The following UNC5CL variants were observed in gnomAD, a reference collection of about 807,000 sequenced individuals.
UNC5CL encodes the protein unc-5 family C-terminal like.
Under a neutral mutation model 54.1 loss-of-function variants are expected in UNC5CL, and 42 were observed. The observed-to-expected ratio is 0.78, with a 90% CI of 0.61 to 1.00. The LOEUF is 1.00. Among genes scored for constraint, UNC5CL ranks in the 50% least tolerant of loss-of-function variants. The pLI, the probability that UNC5CL is intolerant of heterozygous loss-of-function variation, is 0.00. For synonymous variants in UNC5CL, 285 were observed against 285.1 expected, an observed-to-expected ratio of 1.00 and a Z score of 0.00; for missense variants, 619 against 675.6, an observed-to-expected ratio of 0.92 and a Z score of 0.93.
Position 41,028,063 on chromosome 6 carries a change from C to T in UNC5CL, c.*310G>A. On this transcript the variant is annotated 3_prime_UTR_variant, in exon 9 of 9. Transcript: ENST00000244565. The surrounding 1 kb of genome is among the most constrained non-coding windows in gnomAD (Gnocchi z 4.3). ...GCTCAGTGAATACTTTAGGGCCTGA[C>T]CGGCCCTAAAGTGCACGCGGGGACC... is the stretch of plus-strand genomic sequence containing the variant. The T allele has an allele frequency of 2.6e-6, 1 of 391,194 alleles. No homozygotes were observed. The highest frequency in any genetic ancestry group is 6.7e-4 in the Middle Eastern group (1 of 1,484). The allele number at this position is 391,194 out of a possible 1,614,324, so 24.2% of individuals were successfully genotyped here.
Position 41,027,948 on chromosome 6 carries a change from A to G in UNC5CL, c.*425T>C, listed in dbSNP as rs143594850. On this transcript the variant is annotated 3_prime_UTR_variant, in exon 9 of 9. Coordinates refer to ENST00000244565, the MANE Select transcript of UNC5CL (RefSeq NM_173561.3). ...TATGAGCACATCTTGACTCCTGCAA[A>G]AGAACTGTGTGCTTGTCAGGGCTCC... The G allele has an allele frequency of 0.019, 3,193 of 165,476 alleles. 97 individuals carry two copies. Among genetic ancestry groups the G allele is most frequent in the African/African-American group, 0.069 (2,892 of 41,850 alleles). The allele number at this position is 165,476 out of a possible 1,614,324, so 10.3% of individuals were successfully genotyped here.
At chr6:41,035,393 G>C (rs1194562627) in intron 1 of UNC5CL, among the ~76,000 whole-genome samples, 1 of 152,196 alleles carries the variant, frequency 6.6e-6, no homozygotes, top group Admixed American at 6.5e-5. Flanking sequence ...TGTCACCTTG[G>C]TCACTGTGGC....
chr6:41,034,102 T>C lies in UNC5CL; in HGVS notation c.465A>G (p.Gln155=). 1 of 1,614,136 alleles carries C rather than the reference T, an allele frequency of 6.2e-7. No individual in the cohort carries two copies. Among genetic ancestry groups the C allele is most frequent in the Non-Finnish European group, 8.5e-7 (1 of 1,179,992 alleles). ...WDLSDAPSLS[Q]AQGLVSPVVA... ...CCACAGGGCTTACCAGCCCCTGGGC[T>C]TGGGACAGCGATGGGGCGTCCGACA... The change falls in exon 3 of 9, where the codon CAA becomes CAG. Residue 155 remains glutamine (Q), a synonymous_variant. Transcript: ENST00000244565.
rs779416297 is a variant in UNC5CL, at chr6:41,033,102, C to T, written c.731G>A (p.Arg244His). The T allele has an allele frequency of 3.7e-6, 6 of 1,612,120 alleles. No individual in the cohort carries two copies. The highest frequency in any genetic ancestry group is 2.2e-5 in the East Asian group (1 of 44,830). The change falls in exon 4 of 9, where the codon CGC becomes CAC. Residue 244 changes from arginine to histidine, a missense_variant. Physicochemically the swap from Arg to His is conservative, Grantham distance 29. Transcript: ENST00000244565. ...VLEAPVGREA[R>H]KWLQLAVFCS... The stretch of plus-strand genomic sequence containing the variant: ...GAATACGGCCAGCTGCAGCCATTTG[C>T]GGGCTTCGCGCCCCACAGGTGCCTC...
chr6:41,033,539 G>T, intron 3 of UNC5CL: 1 of 498,568 alleles, frequency 2.0e-6, no homozygotes. Context: ...GCTAAGCCTG[G>T]GGACAGTCCT....
In UNC5CL at chr6:41,034,953, C is replaced by T; in HGVS notation, c.122G>A (p.Gly41Glu). The T allele has an allele frequency of 6.2e-7, 1 of 1,613,994 alleles. No homozygotes were observed. The highest frequency in any genetic ancestry group is 8.5e-7 in the Non-Finnish European group (1 of 1,179,864). ...TTGACCATTCAGTGTCCAGCAGGCC[C>T]CCAGCAGCCTTCTAGGGCAGTGCCA... ...LRWHCPRRLL[G>E]ACWTLNGQEE... Residue 41 changes from glycine (G) to glutamate (E), a missense_variant, in exon 2 of 9, where the codon GGG (glycine) becomes GAG (glutamate). By Grantham distance (98) the Gly-to-Glu change is moderately conservative. Transcript: ENST00000244565.
chr6:41,033,800 A>G, intron 3 of UNC5CL, 81 bp downstream of exon 3: 1 of 1,469,474 alleles, frequency 6.8e-7, no homozygotes, highest in Non-Finnish European at 9.2e-7. Flanking sequence ...AGATGAAGAT[A>G]AGGCAGACAG....
intron 2 of UNC5CL, among the ~76,000 whole-genome samples, 171 bp downstream of exon 2, chr6:41,034,519 T>C (rs1042359249): frequency 2.6e-5 from 4 of 152,206 alleles, no homozygotes; most frequent in African/African-American, 9.7e-5. Context: ...TGCCAGGAAG[T>C]TGTCCCAAAA....
At position 41,027,838 on chromosome 6, in the gene UNC5CL, CA is replaced by C. The variant is rs1762405354; in HGVS notation, c.*534del. 1 of 152,950 alleles carries C rather than the reference CA, an allele frequency of 6.5e-6. No homozygotes were observed. The highest frequency in any genetic ancestry group is 1.5e-5 in the Non-Finnish European group (1 of 68,446). The allele number at this position is 152,950 out of a possible 1,614,324, so 9.5% of individuals were successfully genotyped here. ...CATTCTCGCTGCTCCAGCCCGCACT[CA>C]GCTCTTCCCCTCTCAACTCCTAAAG... On this transcript the variant is annotated 3_prime_UTR_variant, in exon 9 of 9. Coordinates refer to ENST00000244565, the MANE Select transcript of UNC5CL (RefSeq NM_173561.3).
rs1762502418 is a variant in UNC5CL at position 41,034,855 on chromosome 6, G to A, written c.220C>T (p.Pro74Ser). ...VSRQHLPATL[P>S]EMVAFYQELH... ...TCCTGGTAGAAGGCAACCATCTCTG[G>A]CAGTGTGGCTGGCAGGTGCTGCCTT... The change falls in exon 2 of 9, where the codon CCA becomes TCA. Residue 74 changes from proline to serine, a missense_variant. By Grantham distance (74) the Pro-to-Ser change is moderately conservative. Coordinates refer to ENST00000244565, the MANE Select transcript of UNC5CL (RefSeq NM_173561.3). 1 of 1,614,226 alleles carries A rather than the reference G, an allele frequency of 6.2e-7. No individual in the cohort carries two copies. Among genetic ancestry groups the A allele is most frequent in the Non-Finnish European group, 8.5e-7 (1 of 1,180,050 alleles).
At position 41,028,101 on chromosome 6, in the gene UNC5CL, T is replaced by C. The variant is rs545200786; in HGVS notation, c.*272A>G. 2.4e-5 allele frequency: 12 copies of C among 501,812 alleles called. No individual in the cohort carries two copies. In the South Asian group the frequency reaches 3.2e-4, roughly 13 times the overall value. The allele number at this position is 501,812 out of a possible 1,614,324, so 31.1% of individuals were successfully genotyped here. ...GCACGCGGGGACCGTGGCCGTCCCC[T>C]GGTCAGTTTGGCAGGCTGGCCACGC... On this transcript the variant is annotated 3_prime_UTR_variant, in exon 9 of 9. Transcript: ENST00000244565. The surrounding 1 kb of genome is among the most constrained non-coding windows in gnomAD (Gnocchi z 4.3).
chr6:41,031,022 G>A (rs1762448176), intron 6 of UNC5CL, among the ~76,000 whole-genome samples: 1 of 152,134 alleles, frequency 6.6e-6, no homozygotes, highest in Admixed American at 6.5e-5. Context: ...AGCCACCAGG[G>A]GAAGTCCTGG....
intron 4 of UNC5CL, 111 bp downstream of exon 4, chr6:41,032,771 AAG>A (rs1490676533): frequency 2.1e-6 from 3 of 1,420,774 alleles, no homozygotes; most frequent in Admixed American, 2.8e-5. Context: ...GGGAAAAAAA[AAG>A]AGAGAGAGAC....
intron 1 of UNC5CL, among the ~76,000 whole-genome samples, chr6:41,038,495 G>C (rs982814616): frequency 6.6e-6 from 1 of 152,150 alleles, no homozygotes; most frequent in Non-Finnish European, 1.5e-5. Context: ...GCCTCTCCCA[G>C]GGTGACTGCT....
chr6:41,036,375 T>TA (rs1216787090), intron 1 of UNC5CL, among the ~76,000 whole-genome samples: 1 of 152,244 alleles, frequency 6.6e-6, no homozygotes, highest in Admixed American at 6.5e-5. Context: ...AATCCGGTCT[T>TA]AGACTGTGCA....
In UNC5CL at chr6:41,033,992, C is replaced by A. The variant is rs148670174; in HGVS notation, c.575G>T (p.Arg192Leu). 2 of 1,614,156 alleles carry A rather than the reference C, an allele frequency of 1.2e-6. No individual in the cohort carries two copies. Among genetic ancestry groups the A allele is most frequent in the Non-Finnish European group, 8.5e-7 (1 of 1,180,012 alleles). Reference protein sequence around the residue: ...KHCAEQPSHARTYSSNTTLLD... With the variant: ...KHCAEQPSHALTYSSNTTLLD... ...CAGGGTAGTGTTGCTGCTGTAGGTG[C>A]GAGCATGGCTGGGCTGCTCGGCACA... is the stretch of plus-strand genomic sequence containing the variant. The change falls in exon 3 of 9, where the codon CGC (arginine) becomes CTC (leucine). Residue 192 changes from arginine to leucine, a missense_variant. By Grantham distance (102) the Arg-to-Leu change is moderately radical. Coordinates refer to ENST00000244565, the MANE Select transcript of UNC5CL (RefSeq NM_173561.3).
chr6:41,037,885 G>A (rs899718710), intron 1 of UNC5CL, among the ~76,000 whole-genome samples: 19 of 152,080 alleles, frequency 1.2e-4, no homozygotes, highest in African/African-American at 4.3e-4. Flanking sequence ...GCTAACATTC[G>A]CAGAGCTTTA....
rs1762429631 is a variant in UNC5CL at position 41,029,551 on chromosome 6, A to G, written c.1334+837T>C. ...GACCATGCCTCATTCATCTTGTATC[A>G]TAGTGCTTAGCACAGTTTCCAGGGC... On this transcript the variant is annotated intron_variant, in intron 8 of 8. Transcript: ENST00000244565. This position sits in a 1 kb window ranked among gnomAD's most constrained non-coding sequence, Gnocchi z 4.1. 6.6e-6 allele frequency among the ~76,000 whole-genome samples: 1 copy of G among 152,246 alleles called. No individual in the cohort carries two copies. The highest frequency in any genetic ancestry group is 2.4e-5 in the African/African-American group (1 of 41,464).
chr6:41,031,668 A>G lies in UNC5CL; in HGVS notation c.1119+13T>C. The stretch of plus-strand genomic sequence containing the variant: ...AGGCCCTGCCCTTCCTCTGCCCCTC[A>G]GCTCCAACTCACATCCTGGAAGGTG... On this transcript the variant is annotated intron_variant, in intron 6 of 8. Coordinates refer to ENST00000244565, the MANE Select transcript of UNC5CL (RefSeq NM_173561.3). 1 of 1,614,028 alleles carries G rather than the reference A, an allele frequency of 6.2e-7. No homozygotes were observed. The highest frequency in any genetic ancestry group is 8.5e-7 in the Non-Finnish European group (1 of 1,179,940).
Sources: gnomAD v4.1 joint callset for allele counts (sites outside exome capture counted in the v4.1 genomes callset) on GRCh38, gnomAD v4.1.1 for gene constraint, Gnocchi (gnomAD v3.1) non-coding constraint, MANE v1.5 for transcripts, NCBI Gene and HGNC (gene_info 2026-07-23, HGNC 2026-07-21) for gene names.